Variants in NTRK3 observed in about 807,000 individuals in gnomAD.
The protein encoded by NTRK3 is NT-3 growth factor receptor.
Under a neutral mutation model 91.7 loss-of-function variants are expected in NTRK3, and 24 were observed. That is an observed-to-expected ratio of 0.26 (90% CI 0.19 to 0.37). The LOEUF (loss-of-function observed/expected upper bound fraction) is 0.37, where lower values mean the gene tolerates loss of function less well. NTRK3 is among the 10% of genes least tolerant of loss of function. The pLI is 1.00. For missense variants in NTRK3, 880 were observed against 1,068.9 expected (o/e 0.82, Z 2.46); for synonymous variants, 483 against 404.0 (o/e 1.20, Z -2.34).
chr15:87,982,894 C>T (rs1427145813), intron 14 of NTRK3, among the ~76,000 whole-genome samples: 3 of 152,210 alleles, frequency 2.0e-5, no homozygotes, highest in African/African-American at 7.2e-5. Context: ...TCTGGAGCTA[C>T]CAGCCCAGCA....
At chr15:87,902,458 G>T (rs139152333) in intron 17 of NTRK3, among the ~76,000 whole-genome samples, 5 of 152,130 alleles carry the variant, frequency 3.3e-5, no homozygotes, top group Admixed American at 1.3e-4. Context: ...TCTATTTCCC[G>T]TTAACATCTC....
intron 13 of NTRK3, among the ~76,000 whole-genome samples, chr15:88,046,549 A>G (rs8033409): frequency 0.17 from 26,369 of 152,054 alleles, 3,615 homozygotes; most frequent in African/African-American, 0.38. Flanking sequence ...AAGGAAGGAC[A>G]CCTCACCCAG....
intron 13 of NTRK3, among the ~76,000 whole-genome samples, chr15:88,094,475 C>CAAAAAA (rs10610101): frequency 3.6e-4 from 11 of 30,324 alleles, no homozygotes; most frequent in Non-Finnish European, 5.8e-4. Context: ...GACTCCGTCT[C>CAAAAAA]AAAAAAAAAA....
At chr15:87,981,856 G>A (rs1320895951) in intron 14 of NTRK3, among the ~76,000 whole-genome samples, 1 of 152,210 alleles carries the variant, frequency 6.6e-6, no homozygotes, top group Non-Finnish European at 1.5e-5. Context: ...CGGGGATGAT[G>A]AGGAGATGAG....
At chr15:88,053,566 G>A (rs1344092591) in intron 13 of NTRK3, among the ~76,000 whole-genome samples, 13 of 152,180 alleles carry the variant, frequency 8.5e-5, no homozygotes, top group Admixed American at 8.5e-4. Flanking sequence ...CAGGGGTATG[G>A]GCTATGGTGG....
chr15:88,147,424 G>A (rs766997429), intron 5 of NTRK3, 21 bp from the exon 6 acceptor site: 2 of 1,609,944 alleles, frequency 1.2e-6, no homozygotes, highest in Admixed American at 1.7e-5. Context: ...GACAAATAAA[G>A]GGAAATTTTA....
chr15:88,244,094 G>GCC (rs369371384), intron 3 of NTRK3, among the ~76,000 whole-genome samples: 436 of 152,162 alleles, frequency 2.9e-3, no homozygotes, highest in African/African-American at 9.8e-3. Flanking sequence ...TGTCACTGCT[G>GCC]CCCCCCCATG....
intron 3 of NTRK3, among the ~76,000 whole-genome samples, chr15:88,201,526 T>C (rs955740342): frequency 2.0e-5 from 3 of 152,160 alleles, no homozygotes; most frequent in African/African-American, 7.2e-5. Context: ...GGAACCTGTG[T>C]GACAACAAAC....
In NTRK3 at chr15:88,194,389, G is replaced by C. The variant is rs76357260; in HGVS notation, c.249-10090C>G. 4.1e-3 allele frequency among the ~76,000 whole-genome samples: 630 copies of C among 152,366 alleles called. 6 individuals are homozygous for C. Among genetic ancestry groups the C allele is most frequent in the African/African-American group, 0.014 (581 of 41,572 alleles). ...CTGGCAGAACTTTCCCTGAGCTCCA[G>C]ATGTTTAGCTGACATCTTAGCAGAT... is the stretch of plus-strand genomic sequence containing the variant. On this transcript the variant is annotated intron_variant, in intron 3 of 18. Transcript: ENST00000394480.
chr15:88,058,719 A>G (rs1043018651), intron 13 of NTRK3, among the ~76,000 whole-genome samples: 4 of 152,168 alleles, frequency 2.6e-5, no homozygotes, highest in African/African-American at 7.2e-5. Flanking sequence ...TAACCTGCCC[A>G]CAAGCCACAT....
chr15:88,025,423 GT>G (rs1178216812), intron 14 of NTRK3, among the ~76,000 whole-genome samples: 2 of 152,220 alleles, frequency 1.3e-5, no homozygotes, highest in African/African-American at 2.4e-5. Context: ...CTAACTCCCA[GT>G]GCCTTACAAT....
At chr15:87,881,619 C>G (rs2065259383) in intron 17 of NTRK3, among the ~76,000 whole-genome samples, 1 of 152,002 alleles carries the variant, frequency 6.6e-6, no homozygotes, top group Non-Finnish European at 1.5e-5. Context: ...CGGGGTTTCA[C>G]TGTGTTAGTC....
At chr15:88,250,351 A>C (rs1021184588) in intron 3 of NTRK3, among the ~76,000 whole-genome samples, 1 of 152,240 alleles carries the variant, frequency 6.6e-6, no homozygotes, top group Non-Finnish European at 1.5e-5. Flanking sequence ...GATCTGTAAA[A>C]TGGGACTGTT....
intron 14 of NTRK3, among the ~76,000 whole-genome samples, chr15:87,992,885 T>TA (rs148921812): frequency 1.5e-3 from 227 of 152,352 alleles, no homozygotes; most frequent in Admixed American, 4.2e-3. Context: ...ATGTGATAGA[T>TA]ACGGATTTCA....
At chr15:87,979,435 TA>T in intron 14 of NTRK3, 1 of 1,612,906 alleles carries the variant, frequency 6.2e-7, no homozygotes, top group Non-Finnish European at 8.5e-7. Flanking sequence ...CGGGAAGGCT[TA>T]TTGGATTCAA....
chr15:87,875,346 T>G lies in NTRK3; in HGVS notation c.*1589A>C, dbSNP rs927050538. 31 of 230,528 alleles carry G rather than the reference T, an allele frequency of 1.3e-4. No individual in the cohort carries two copies. The Admixed American group carries it at 1.4e-3, about 11-fold the overall frequency. The allele number at this position is 230,528 out of a possible 1,614,324, so 14.3% of individuals were successfully genotyped here. ...GGGCCAGGCTGTTGGCTTCCATGTTTCATGTGACAGGGAGGCCCAGAGGTC... is the reference window on the plus strand; with the variant it reads ...GGGCCAGGCTGTTGGCTTCCATGTTGCATGTGACAGGGAGGCCCAGAGGTC... On this transcript the variant is annotated 3_prime_UTR_variant, in exon 19 of 19. Transcript: ENST00000394480.
At chr15:88,185,622 T>C (rs748819706) in intron 3 of NTRK3, among the ~76,000 whole-genome samples, 30 of 152,152 alleles carry the variant, frequency 2.0e-4, no homozygotes, top group Admixed American at 7.9e-4. Flanking sequence ...TGGCCATGAA[T>C]TCTAAGTACT....
intron 13 of NTRK3, among the ~76,000 whole-genome samples, chr15:88,060,698 C>T (rs1271381746): frequency 1.3e-5 from 2 of 152,122 alleles, no homozygotes; most frequent in African/African-American, 4.8e-5. Flanking sequence ...TCACATGGCT[C>T]AGGCTGCTGT....
At chr15:87,945,804 A>G (rs906336866) in intron 14 of NTRK3, among the ~76,000 whole-genome samples, 7 of 29,466 alleles carry the variant, frequency 2.4e-4, no homozygotes, top group South Asian at 1.2e-3. Context: ...GAAGACTGGG[A>G]AAAAAAAAAA....
Sources: allele counts gnomAD v4.1 joint callset (sites outside exome capture counted in the v4.1 genomes callset), GRCh38; gene constraint gnomAD v4.1.1; transcripts MANE v1.5; gene names NCBI Gene and HGNC (gene_info 2026-07-23, HGNC 2026-07-21).